GPR137: variants seen among roughly 807,000 people sequenced by gnomAD.
GPR137 encodes integral membrane protein GPR137.
Under a neutral mutation model 38.9 loss-of-function variants are expected in GPR137, and 20 were observed. That is an observed-to-expected ratio of 0.51 (90% CI 0.36 to 0.75). The LOEUF (loss-of-function observed/expected upper bound fraction) is 0.75, where lower values mean the gene tolerates loss of function less well. Ranked by LOEUF, GPR137 falls within the 30% of genes least tolerant of loss-of-function variation. The pLI is 0.00. For missense variants in GPR137, 456 were observed against 526.4 expected, an observed-to-expected ratio of 0.87 and a Z score of 1.31; for synonymous variants, 226 against 235.8, an observed-to-expected ratio of 0.96 and a Z score of 0.38.
At position 64,285,871 on chromosome 11, in the gene GPR137, G is replaced by A; in HGVS notation, c.-654G>A. On this transcript the variant is annotated 5_prime_UTR_variant, in exon 1 of 7. Transcript: ENST00000438980. ...GCGGAGCAGCGGGAGCCGGGGAGCCGGAGCCCCGGGTCCCCACGACCTGAG... is the reference window on the plus strand; with the variant it reads ...GCGGAGCAGCGGGAGCCGGGGAGCCAGAGCCCCGGGTCCCCACGACCTGAG... 3 of 980,896 alleles carry A rather than the reference G, an allele frequency of 3.1e-6. No individual in the cohort carries two copies. The highest frequency in any genetic ancestry group is 9.4e-5 in the South Asian group (2 of 21,216). 60.8% of individuals were successfully genotyped at this position (980,896 alleles called of 1,614,324 possible).
At chr11:64,274,232 C>T (rs1420222724), upstream of GPR137, among the ~76,000 whole-genome samples, 4 of 150,360 alleles carry the variant, frequency 2.7e-5, no homozygotes, top group African/African-American at 4.9e-5. Context: ...ACTAAAAGTA[C>T]AAAAAATTAG....
In GPR137 at chr11:64,289,219, T is replaced by G. The variant is rs749624824; in HGVS notation, c.*23T>G. The G allele has an allele frequency of 9.0e-7, 1 of 1,105,280 alleles. No individual in the cohort carries two copies. The highest frequency in any genetic ancestry group is 1.3e-6 in the Non-Finnish European group (1 of 763,666). The allele number at this position is 1,105,280 out of a possible 1,614,324, so 68.5% of individuals were successfully genotyped here. On this transcript the variant is annotated 3_prime_UTR_variant, in exon 7 of 7. Coordinates refer to ENST00000438980, the MANE Select transcript of GPR137 (RefSeq NM_001170880.2). ...TGATCCCCCTCCCTCCCCCACAGAA[T>G]ACCCAGGCCCCAGTCCCCCTCACCC...
At chr11:64,283,248 T>C (rs994766105), upstream of GPR137, among the ~76,000 whole-genome samples, 1 of 152,226 alleles carries the variant, frequency 6.6e-6, no homozygotes. Context: ...TTTTTAGAGA[T>C]GGGGTCTGGC....
upstream of GPR137, chr11:64,271,510 C>T: frequency 8.3e-7 from 1 of 1,210,014 alleles, no homozygotes; most frequent in Middle Eastern, 2.8e-4. Flanking sequence ...GGGGAGGGGT[C>T]GTGGGACTCC....
chr11:64,278,078 A>C (rs2033187335), intron 2 of GPR137, among the ~76,000 whole-genome samples: 1 of 152,166 alleles, frequency 6.6e-6, no homozygotes, highest in Admixed American at 6.6e-5. Flanking sequence ...GCTTGAGGCC[A>C]GGAGTTCGAG....
chr11:64,278,925 T>A (rs976019939), intron 2 of GPR137, among the ~76,000 whole-genome samples: 1 of 152,152 alleles, frequency 6.6e-6, no homozygotes, highest in Non-Finnish European at 1.5e-5. Context: ...ACCACTTGCT[T>A]TTGGAGACAC....
exon 1 of GPR137, chr11:64,270,623 T>C (rs1565343759): frequency 1.5e-6 from 1 of 653,330 alleles, no homozygotes; most frequent in Admixed American, 2.1e-5. Flanking sequence ...ACCCAGAAGA[T>C]GAGACCGCAA....
In GPR137 at chr11:64,287,742, T is replaced by G; in HGVS notation, c.429T>G (p.Phe143Leu). Residue 143 changes from phenylalanine (F) to leucine (L), a missense_variant, in exon 3 of 7, where the codon TTT becomes TTG. Physicochemically the swap from Phe to Leu is conservative, Grantham distance 22. Coordinates refer to ENST00000438980, the MANE Select transcript of GPR137 (RefSeq NM_001170880.2). ...GCAGGCTCGCTGTCCGAGGGGCCTT[T>G]GTGGGGGCCTCGCTGCTCTTTCTGC... ...SRGLLAVRGA[F>L]VGASLLFLLV... 1 of 1,605,496 alleles carries G rather than the reference T, an allele frequency of 6.2e-7. No homozygotes were observed. The highest frequency in any genetic ancestry group is 1.1e-5 in the South Asian group (1 of 91,076).
chr11:64,276,319 T>G (rs2033063308), intron 1 of GPR137: 1 of 152,076 alleles, frequency 6.6e-6, no homozygotes, highest in Non-Finnish European at 1.5e-5. Context: ...TGTGTGTATA[T>G]ATATATATAT....
chr11:64,287,156 C>T, intron 2 of GPR137, 142 bp downstream of exon 2: 19 of 1,467,970 alleles, frequency 1.3e-5, no homozygotes, highest in Non-Finnish European at 1.6e-5. Context: ...AGTTAAAGCA[C>T]CTGGCGCAGA....
upstream of GPR137, among the ~76,000 whole-genome samples, chr11:64,273,202 G>A (rs1026944820): frequency 6.6e-6 from 1 of 151,988 alleles, no homozygotes; most frequent in Non-Finnish European, 1.5e-5. Context: ...GTGAAACTCC[G>A]TCTCTACTAA....
rs1813818388 is a variant in GPR137 at position 64,286,006 on chromosome 11, T to C, written c.-519T>C. ...GTGGGGCGGGGGCAGCTTTCGAGAA[T>C]TACGAGGACAGGAGGCAGAGGCCCT... On this transcript the variant is annotated 5_prime_UTR_variant, in exon 1 of 7. Transcript: ENST00000438980. The C allele has an allele frequency of 1.9e-5, 19 of 984,664 alleles. No individual in the cohort carries two copies. The highest frequency in any genetic ancestry group is 2.3e-5 in the Non-Finnish European group (19 of 829,310). 61.0% of individuals were successfully genotyped at this position (984,664 alleles called of 1,614,324 possible).
At chr11:64,279,197 A>T (rs1219762885) in intron 2 of GPR137, among the ~76,000 whole-genome samples, 1 of 152,034 alleles carries the variant, frequency 6.6e-6, no homozygotes, top group Admixed American at 6.6e-5. Flanking sequence ...CCTTGTCACC[A>T]TCAAATAACT....
At position 64,288,599 on chromosome 11, in the gene GPR137, C is replaced by T; in HGVS notation, c.913-4C>T. On this transcript the variant is annotated splice_region_variant and splice_polypyrimidine_tract_variant and intron_variant, in intron 5 of 6. Coordinates refer to ENST00000438980, the MANE Select transcript of GPR137 (RefSeq NM_001170880.2). This position sits in a 1 kb window ranked among gnomAD's most constrained non-coding sequence, Gnocchi z 5.5. ...TAAGTATCGATGATGGCTTCCTCCC[C>T]CAGAGCACCAGCCACATCCTCAATG... is the stretch of plus-strand genomic sequence containing the variant. 1 of 1,613,270 alleles carries T rather than the reference C, an allele frequency of 6.2e-7. No individual in the cohort carries two copies.
chr11:64,284,395 A>T (rs376064584), upstream of GPR137: 18 of 1,611,730 alleles, frequency 1.1e-5, no homozygotes, highest in African/African-American at 1.7e-4. Context: ...ACAAGATGTT[A>T]CGTAGTCAAG....
chr11:64,285,821 C>T (rs1028343871), upstream of GPR137: 33 of 985,196 alleles, frequency 3.3e-5, no homozygotes, highest in Middle Eastern at 1.0e-3. Context: ...GAACGGCGCC[C>T]GCGCAGGCGC....
rs765345318 is a variant in GPR137 at position 64,288,226 on chromosome 11, C to T, written c.783+12C>T. On this transcript the variant is annotated intron_variant, in intron 4 of 6. Transcript: ENST00000438980. The surrounding 1 kb of genome is among the most constrained non-coding windows in gnomAD (Gnocchi z 5.5). ...ATGTGTCTGACCAGGTGGGCATACG[C>T]ATGTCTGCCACCTCCTTAGTAGCCG... is the stretch of plus-strand genomic sequence containing the variant. 6.2e-7 allele frequency: 1 copy of T among 1,610,948 alleles called. No individual in the cohort carries two copies. Among genetic ancestry groups the T allele is most frequent in the Non-Finnish European group, 8.5e-7 (1 of 1,178,328 alleles).
At chr11:64,284,475 C>T (rs943095812), upstream of GPR137, 4 of 1,592,166 alleles carry the variant, frequency 2.5e-6, no homozygotes, top group Admixed American at 5.1e-5. Flanking sequence ...CCCACCGTAG[C>T]GCCCCCAGGC....
At chr11:64,272,011 A>G (rs1044524949), upstream of GPR137, 2 of 409,482 alleles carry the variant, frequency 4.9e-6, no homozygotes, top group Middle Eastern at 6.2e-4. Context: ...TTAACTTCTC[A>G]TTAATCCCAC....
Sources: allele counts gnomAD v4.1 joint callset (sites outside exome capture counted in the v4.1 genomes callset), GRCh38; gene constraint gnomAD v4.1.1; non-coding constraint Gnocchi (gnomAD v3.1); transcripts MANE v1.5; gene names NCBI Gene and HGNC (gene_info 2026-07-23, HGNC 2026-07-21).